Variants in RBFOX1 observed in about 807,000 individuals in gnomAD.
RBFOX1 encodes RNA binding protein fox-1 homolog 1.
In RBFOX1, 8 loss-of-function variants were observed where a neutral mutation model predicts 57.7. The ratio of observed to expected loss-of-function variants is 0.14; its 90% CI spans 0.08 to 0.25. The LOEUF (loss-of-function observed/expected upper bound fraction) is 0.25. Among genes scored for constraint, RBFOX1 ranks in the 10% least tolerant of loss-of-function variants. The pLI, the probability that RBFOX1 is intolerant of heterozygous loss-of-function variation, is 1.00. For synonymous variants in RBFOX1, 326 were observed against 222.4 expected (o/e 1.47, Z -4.15); for missense variants, 611 against 548.5 (o/e 1.11, Z -1.14).
At chr16:6,031,366 C>G (rs1288027919) in intron 1 of RBFOX1, among the ~76,000 whole-genome samples, 1 of 152,176 alleles carries the variant, frequency 6.6e-6, no homozygotes, top group African/African-American at 2.4e-5. Context: ...CCTGCAGAGG[C>G]CAGAACAGGC....
chr16:7,332,278 CTTG>C (rs1403874106), intron 4 of RBFOX1, among the ~76,000 whole-genome samples: 2 of 152,158 alleles, frequency 1.3e-5, no homozygotes, highest in Non-Finnish European at 2.9e-5. Flanking sequence ...ACTTCAGAGA[CTTG>C]TTGTGAGAAT....
intron 4 of RBFOX1, among the ~76,000 whole-genome samples, chr16:7,491,811 A>G (rs563861617): frequency 6.6e-6 from 1 of 152,244 alleles, no homozygotes; most frequent in East Asian, 1.9e-4. Context: ...ATATATATAT[A>G]TTTAAAAACA....
At chr16:7,216,997 TCCC>T in intron 4 of RBFOX1, among the ~76,000 whole-genome samples, 1 of 98,278 alleles carries the variant, frequency 1.0e-5, no homozygotes. Context: ...CCTTCCTTCC[TCCC>T]TCCCTCCCTT....
At chr16:6,922,356 C>G (rs1329028399) in intron 3 of RBFOX1, among the ~76,000 whole-genome samples, 1 of 152,100 alleles carries the variant, frequency 6.6e-6, no homozygotes, top group Non-Finnish European at 1.5e-5. Context: ...ATGCTGCAGC[C>G]CCTTGCAAGC....
At chr16:7,668,176 C>G (rs976434523) in intron 13 of RBFOX1, among the ~76,000 whole-genome samples, 2 of 152,176 alleles carry the variant, frequency 1.3e-5, no homozygotes, top group African/African-American at 4.8e-5. Context: ...TCCCCTCCCC[C>G]GTCCTTTGTT....
At chr16:7,283,033 C>T (rs1288051702) in intron 4 of RBFOX1, among the ~76,000 whole-genome samples, 3 of 152,110 alleles carry the variant, frequency 2.0e-5, no homozygotes, top group African/African-American at 2.4e-5. Context: ...CACATTTTTG[C>T]AATTGTGAAT....
At chr16:6,359,285 G>C (rs955151331) in intron 2 of RBFOX1, among the ~76,000 whole-genome samples, 4 of 152,046 alleles carry the variant, frequency 2.6e-5, no homozygotes, top group Non-Finnish European at 5.9e-5. Context: ...GTAGAGACGG[G>C]GTTTCACCAT....
chr16:6,436,641 T>G (rs1411304930), intron 2 of RBFOX1, among the ~76,000 whole-genome samples: 1 of 152,006 alleles, frequency 6.6e-6, no homozygotes, highest in Non-Finnish European at 1.5e-5. Context: ...ACTGTCTTTA[T>G]AATTAATTAA....
intron 4 of RBFOX1, among the ~76,000 whole-genome samples, chr16:7,378,085 T>G (rs1310548499): frequency 6.6e-6 from 1 of 152,062 alleles, no homozygotes; most frequent in African/African-American, 2.4e-5. Context: ...AATGGAGAAG[T>G]AGGAGGCAGA....
At chr16:5,517,222 C>G (rs1480249823) in intron 2 of RBFOX1, among the ~76,000 whole-genome samples, 1 of 152,186 alleles carries the variant, frequency 6.6e-6, no homozygotes, top group Non-Finnish European at 1.5e-5. Flanking sequence ...GTGTATCTCA[C>G]AGCAGGTCTC....
intron 3 of RBFOX1, among the ~76,000 whole-genome samples, chr16:6,700,432 C>A (rs574153562): frequency 6.6e-6 from 1 of 151,770 alleles, no homozygotes; most frequent in Non-Finnish European, 1.5e-5. Flanking sequence ...CCGAAGCAGG[C>A]GGATCACCTG....
At chr16:6,655,837 G>C (rs776527893) in intron 3 of RBFOX1, among the ~76,000 whole-genome samples, 3 of 152,148 alleles carry the variant, frequency 2.0e-5, no homozygotes, top group Non-Finnish European at 4.4e-5. Context: ...TTTCAGCTCT[G>C]ATTGTATCAT....
At chr16:6,884,434 T>C (rs1297910831) in intron 3 of RBFOX1, among the ~76,000 whole-genome samples, 1 of 152,208 alleles carries the variant, frequency 6.6e-6, no homozygotes, top group Non-Finnish European at 1.5e-5. Context: ...GTAAAGTCTC[T>C]GCCTTCAAGG....
At chr16:5,896,144 A>G (rs568298552) in intron 4 of RBFOX1, among the ~76,000 whole-genome samples, 201 of 152,198 alleles carry the variant, frequency 1.3e-3, no homozygotes, top group African/African-American at 4.5e-3. Flanking sequence ...CTGATCCTGG[A>G]TGGATCCCAG....
At chr16:7,444,035 C>T (rs183398658) in intron 4 of RBFOX1, among the ~76,000 whole-genome samples, 1 of 152,298 alleles carries the variant, frequency 6.6e-6, no homozygotes, top group East Asian at 1.9e-4. Context: ...TCTGTGGTTG[C>T]CTCAAGTTAG....
chr16:5,410,087 G>T (rs2066977841), intron 1 of RBFOX1, among the ~76,000 whole-genome samples: 1 of 151,678 alleles, frequency 6.6e-6, no homozygotes, highest in Admixed American at 6.6e-5. Context: ...CATGCAGCTG[G>T]GAAAGGTGGC....
intron 3 of RBFOX1, among the ~76,000 whole-genome samples, chr16:6,800,693 G>T (rs779480413): frequency 4.6e-5 from 7 of 152,008 alleles, no homozygotes; most frequent in Admixed American, 6.6e-5. Context: ...GAGTAGGCCC[G>T]TGGACGTTCA....
chr16:6,472,656 C>T (rs573450223), intron 2 of RBFOX1, among the ~76,000 whole-genome samples: 256 of 151,038 alleles, frequency 1.7e-3, no homozygotes, highest in African/African-American at 5.7e-3. Flanking sequence ...TGGAATCTCA[C>T]TTTGTTGCCC....
At chr16:5,934,895 G>C (rs561047795) in intron 4 of RBFOX1, among the ~76,000 whole-genome samples, 1 of 152,328 alleles carries the variant, frequency 6.6e-6, no homozygotes, top group East Asian at 1.9e-4. Flanking sequence ...GGCTGGCCCT[G>C]TGGGCATTTA....
Sources: allele counts gnomAD v4.1 joint callset (sites outside exome capture counted in the v4.1 genomes callset), GRCh38; gene constraint gnomAD v4.1.1; transcripts MANE v1.5; gene names NCBI Gene and HGNC (gene_info 2026-07-23, HGNC 2026-07-21).